Variants in NOP9 observed in about 807,000 individuals in gnomAD.
NOP9 encodes NOP9 nucleolar protein, also known as nucleolar protein 9.
Under a neutral mutation model 63.0 loss-of-function variants are expected in NOP9, and 50 were observed. The observed-to-expected ratio is 0.79, with a 90% CI of 0.63 to 1.00. The LOEUF (loss-of-function observed/expected upper bound fraction) is 1.00. Among genes scored for constraint, NOP9 ranks in the 50% least tolerant of loss-of-function variants. NOP9 has a pLI of 0.00. For missense variants in NOP9, 758 were observed against 803.0 expected, an observed-to-expected ratio of 0.94 and a Z score of 0.68; for synonymous variants, 343 against 332.8, an observed-to-expected ratio of 1.03 and a Z score of -0.33.
Position 24,304,241 on chromosome 14 carries a change from G to A in NOP9, c.1611G>A (p.Thr537=), listed in dbSNP as rs373508663. ...CCATCCTGACCAGCCCCTCTGTGAC[G>A]CGCAAGCTGCGCCGCCGTGTGCTGC... ...LDAILTSPSV[T]RKLRRRVLQN... is the part of the protein sequence containing the mutation. The change falls in exon 8 of 10, where the codon ACG becomes ACA. Residue 537 remains threonine, a synonymous_variant. Coordinates refer to ENST00000267425, the MANE Select transcript of NOP9 (RefSeq NM_174913.3). 47 of 1,614,030 alleles carry A rather than the reference G, an allele frequency of 2.9e-5. 1 individual carries two copies. The South Asian group carries it at 3.4e-4, about 12-fold the overall frequency.
chr14:24,285,107 G>T, the NOP9 span, among the ~76,000 whole-genome samples: 1 of 152,310 alleles, frequency 6.6e-6, no homozygotes, highest in East Asian at 1.9e-4. Context: ...GACACCTGGG[G>T]ATAGAGGCTC....
At chr14:24,284,845 C>T in the NOP9 span, among the ~76,000 whole-genome samples, 7 of 152,226 alleles carry the variant, frequency 4.6e-5, no homozygotes, top group Admixed American at 1.3e-4. Flanking sequence ...ACTGGGCCCT[C>T]GTGTGTGCTC....
intron 4 of NOP9, 36 bp downstream of exon 4, chr14:24,302,142 G>A (rs576680834): frequency 2.6e-5 from 41 of 1,605,216 alleles, no homozygotes; most frequent in Non-Finnish European, 2.9e-5. Flanking sequence ...CCAAGTTGGC[G>A]GGGCTGTGTG....
At chr14:24,295,076 A>G (rs1294057276), upstream of NOP9, among the ~76,000 whole-genome samples, 1 of 152,204 alleles carries the variant, frequency 6.6e-6, no homozygotes, top group Non-Finnish European at 1.5e-5. Flanking sequence ...ACCTAAGGGA[A>G]GTACATATTC....
chr14:24,305,818 G>A lies in NOP9; in HGVS notation c.*723G>A, dbSNP rs1200698300. The A allele has an allele frequency of 6.2e-7, 1 of 1,602,810 alleles. No individual in the cohort carries two copies. The highest frequency in any genetic ancestry group is 2.2e-5 in the East Asian group (1 of 44,812). ...GATGATTTGGAAAACTTGGGAGGAA[G>A]CCATCAAGCTGGGAGATGAGGACTT... On this transcript the variant is annotated 3_prime_UTR_variant, in exon 10 of 10. Coordinates refer to ENST00000267425, the MANE Select transcript of NOP9 (RefSeq NM_174913.3).
rs1471710103 is a variant in NOP9 at position 24,308,180 on chromosome 14, G to A, written c.*3085G>A. The A allele has an allele frequency of 7.9e-6, 3 of 377,810 alleles. No homozygotes were observed. The highest frequency in any genetic ancestry group is 5.8e-5 in the South Asian group (2 of 34,488). The allele number at this position is 377,810 out of a possible 1,614,324, so 23.4% of individuals were successfully genotyped here. On this transcript the variant is annotated 3_prime_UTR_variant, in exon 10 of 10. Transcript: ENST00000267425. ...GTAAAAGGATGAAATGTGACTTCTGGTGTTTTTTTATTTCTATGGAGGGAA... is the reference window on the plus strand; with the variant it reads ...GTAAAAGGATGAAATGTGACTTCTGATGTTTTTTTATTTCTATGGAGGGAA...
chr14:24,306,881 A>G lies in NOP9; in HGVS notation c.*1786A>G, dbSNP rs1203839233. ...CCCACACCCTCAAGAGTTCTCCAGAAGTGTTTTCAGTAATAGTGTTTAACC... is the reference window on the plus strand; with the variant it reads ...CCCACACCCTCAAGAGTTCTCCAGAGGTGTTTTCAGTAATAGTGTTTAACC... On this transcript the variant is annotated 3_prime_UTR_variant, in exon 10 of 10. Transcript: ENST00000267425. The G allele has an allele frequency of 3.0e-6, 1 of 335,856 alleles. No individual in the cohort carries two copies. Among genetic ancestry groups the G allele is most frequent in the East Asian group, 6.2e-5 (1 of 16,158 alleles). 20.8% of individuals were successfully genotyped at this position (335,856 alleles called of 1,614,324 possible).
At chr14:24,291,117 A>G in the NOP9 span, 1 of 1,614,008 alleles carries the variant, frequency 6.2e-7, no homozygotes, top group Non-Finnish European at 8.5e-7. Flanking sequence ...GTCAAGGCTG[A>G]CTGCTGTGCC....
Position 24,301,981 on chromosome 14 carries a change from G to A in NOP9, c.825G>A (p.Lys275=), listed in dbSNP as rs1223678328. The stretch of plus-strand genomic sequence containing the variant: ...TCTCCACAGTGTTTATCACTGATAA[G>A]ATCTCCAGCTTCTGTCTTCAAGTGG... ...LKDIAVFITD[K]ISSFCLQVAL... The change falls in exon 4 of 10, where the codon AAG becomes AAA. Residue 275 remains lysine, a synonymous_variant. Coordinates refer to ENST00000267425, the MANE Select transcript of NOP9 (RefSeq NM_174913.3). The A allele has an allele frequency of 6.2e-7, 1 of 1,613,810 alleles. No individual in the cohort carries two copies. The highest frequency in any genetic ancestry group is 8.5e-7 in the Non-Finnish European group (1 of 1,179,924).
chr14:24,300,668 G>A lies in NOP9; in HGVS notation c.508G>A (p.Asp170Asn). 1.2e-6 allele frequency: 2 copies of A among 1,614,050 alleles called. No individual in the cohort carries two copies. Among genetic ancestry groups the A allele is most frequent in the Non-Finnish European group, 1.7e-6 (2 of 1,180,000 alleles). Residue 170 changes from aspartate to asparagine, a missense_variant, in exon 2 of 10, where the codon GAT becomes AAT. Coordinates refer to ENST00000267425, the MANE Select transcript of NOP9 (RefSeq NM_174913.3). Reference protein sequence around the residue: ...AAEEEEEEEEDGKDGPTETLE... With the variant: ...AAEEEEEEEENGKDGPTETLE... The stretch of plus-strand genomic sequence containing the variant: ...AGAGGAGGAGGAGGAGGAGGAGGAG[G>A]ATGGAAAGGATGGTCCCACGGAGAC...
chr14:24,296,734 G>A (rs1166554283), upstream of NOP9: 1 of 1,614,154 alleles, frequency 6.2e-7, no homozygotes, highest in Non-Finnish European at 8.5e-7. Context: ...AGTTCAAAGG[G>A]TACCTGGACC....
At chr14:24,296,661 A>G, upstream of NOP9, 1 of 1,613,570 alleles carries the variant, frequency 6.2e-7, no homozygotes, top group Non-Finnish European at 8.5e-7. Context: ...TGGAAGGGAC[A>G]ATGAGTGGGG....
chr14:24,295,620 T>TG, upstream of NOP9, among the ~76,000 whole-genome samples: 1 of 152,326 alleles, frequency 6.6e-6, no homozygotes, highest in African/African-American at 2.4e-5. Context: ...CAGCAAGAGA[T>TG]GAGGGTGTGG....
chr14:24,300,246 G>A, intron 1 of NOP9, 45 bp downstream of exon 1: 1 of 1,600,578 alleles, frequency 6.2e-7, no homozygotes, highest in Non-Finnish European at 8.5e-7. Context: ...TCAAATCCAG[G>A]GCAGGCAAGG....
Position 24,308,353 on chromosome 14 carries a change from C to A in NOP9, c.*3258C>A. 4.9e-6 allele frequency: 1 copy of A among 204,950 alleles called. No individual in the cohort carries two copies. Among genetic ancestry groups the A allele is most frequent in the Non-Finnish European group, 1.0e-5 (1 of 98,544 alleles). The allele number at this position is 204,950 out of a possible 1,614,324, so 12.7% of individuals were successfully genotyped here. On this transcript the variant is annotated 3_prime_UTR_variant, in exon 10 of 10. Transcript: ENST00000267425. ...AGAGTGTGGGGAAGTGGGATGGCAG[C>A]ATGGCAGGGCTTTGGAAAATGAGAG...
chr14:24,295,806 A>C (rs1457655436), upstream of NOP9, among the ~76,000 whole-genome samples: 1 of 152,234 alleles, frequency 6.6e-6, no homozygotes, highest in Non-Finnish European at 1.5e-5. Context: ...CCAGAGTACC[A>C]AAATTGGAGC....
chr14:24,299,364 G>T, upstream of NOP9: 1 of 416,150 alleles, frequency 2.4e-6, no homozygotes. Context: ...GTCCAGAGGT[G>T]GACAACTACT....
chr14:24,304,788 C>A, intron 9 of NOP9, 150 bp from the exon 10 acceptor site: 1 of 995,250 alleles, frequency 1.0e-6, no homozygotes, highest in South Asian at 1.7e-5. Flanking sequence ...TGCCCTCACC[C>A]TGCCCTCTGA....
At position 24,307,051 on chromosome 14, in the gene NOP9, C is replaced by CAAG; in HGVS notation, c.*1957_*1959dup. On this transcript the variant is annotated 3_prime_UTR_variant, in exon 10 of 10. Coordinates refer to ENST00000267425, the MANE Select transcript of NOP9 (RefSeq NM_174913.3). ...GGTTTTGGTAGGTTGAACAACTTCCCAAGGTTTGACAGGCAGGAAGTGGCA... is the reference window on the plus strand; with the variant it reads ...GGTTTTGGTAGGTTGAACAACTTCCCAAGAAGGTTTGACAGGCAGGAAGTGGCA... 3.5e-6 allele frequency: 1 copy of CAAG among 288,178 alleles called. No homozygotes were observed. Among genetic ancestry groups the CAAG allele is most frequent in the East Asian group, 6.8e-5 (1 of 14,710 alleles). The allele number at this position is 288,178 out of a possible 1,614,324, so 17.9% of individuals were successfully genotyped here.
Sources: gnomAD v4.1 joint callset for allele counts (sites outside exome capture counted in the v4.1 genomes callset) on GRCh38, gnomAD v4.1.1 for gene constraint, MANE v1.5 for transcripts, NCBI Gene and HGNC (gene_info 2026-07-23, HGNC 2026-07-21) for gene names.